The following KIAA1671 variants were observed in gnomAD, a reference collection of about 807,000 sequenced individuals.
KIAA1671 encodes uncharacterized protein KIAA1671.
In KIAA1671, 52 loss-of-function variants were observed where a neutral mutation model predicts 131.2. The observed-to-expected ratio is 0.40, with a 90% CI of 0.32 to 0.50. KIAA1671 has a LOEUF of 0.50. Ranked by LOEUF, KIAA1671 falls within the 20% of genes least tolerant of loss-of-function variation. KIAA1671 has a pLI of 0.73. For synonymous variants in KIAA1671, 1,003 were observed against 961.6 expected (o/e 1.04, Z -0.80); for missense variants, 2,360 against 2,364.2 (o/e 1.00, Z 0.04).
At position 25,041,266 on chromosome 22, in the gene KIAA1671, C is replaced by T. The variant is rs1336841339; in HGVS notation, c.4136C>T (p.Ser1379Phe). 2.6e-6 allele frequency: 4 copies of T among 1,551,618 alleles called. No homozygotes were observed. Among genetic ancestry groups the T allele is most frequent in the Non-Finnish European group, 3.5e-6 (4 of 1,147,016 alleles). Residue 1379 changes from serine (S) to phenylalanine (F), a missense_variant, in exon 5 of 13, where the codon TCC (serine) becomes TTC (phenylalanine). Transcript: ENST00000358431. ...CAGAAGAAAGGGACCCCAAGGAAATCCACCGGGCGGGGAGAGGAGGACAGT... is the reference window on the plus strand; with the variant it reads ...CAGAAGAAAGGGACCCCAAGGAAATTCACCGGGCGGGGAGAGGAGGACAGT... ...TDQKKGTPRK[S>F]TGRGEEDSVA...
intron 6 of KIAA1671, among the ~76,000 whole-genome samples, chr22:25,127,020 G>A (rs1466119350): frequency 2.0e-5 from 3 of 152,160 alleles, no homozygotes; most frequent in Non-Finnish European, 4.4e-5. Flanking sequence ...TTTAGAGGTT[G>A]TGGTGTGACC....
In KIAA1671 at chr22:25,110,144, G is replaced by A. The variant is rs537806235; in HGVS notation, c.4531-60676G>A. 3.9e-5 allele frequency: 6 copies of A among 152,402 alleles called. No homozygotes were observed. In the East Asian group the frequency reaches 1.2e-3, roughly 29 times the overall value. 9.4% of individuals were successfully genotyped at this position (152,402 alleles called of 1,614,324 possible). ...CTGTATCCAAAAAAAGAAGAAGAGA[G>A]ACAGGGAGAGAAAGAGAATGAATAG... On this transcript the variant is annotated intron_variant, in intron 6 of 12. Coordinates refer to ENST00000358431, the MANE Select transcript of KIAA1671 (RefSeq NM_001145206.2).
intron 11 of KIAA1671, among the ~76,000 whole-genome samples, chr22:25,186,959 G>A (rs2146045744): frequency 6.6e-6 from 1 of 152,338 alleles, no homozygotes; most frequent in Admixed American, 6.5e-5. Context: ...TGGAGGCCTG[G>A]GCTTGTGTCA....
intron 6 of KIAA1671, among the ~76,000 whole-genome samples, chr22:25,081,602 G>C (rs1415488986): frequency 7.4e-6 from 1 of 135,284 alleles, no homozygotes; most frequent in East Asian, 2.1e-4. Context: ...TAACAACAGG[G>C]GTTAGATGGG....
chr22:25,171,909 A>T (rs183535803), intron 7 of KIAA1671, among the ~76,000 whole-genome samples: 1 of 152,292 alleles, frequency 6.6e-6, no homozygotes, highest in East Asian at 1.9e-4. Context: ...CAACACTGTG[A>T]CTGTCCTGCA....
rs891589450 is a variant in KIAA1671 at position 25,065,158 on chromosome 22, G to A, written c.4530+15794G>A. 3.3e-5 allele frequency: 5 copies of A among 152,224 alleles called. No individual in the cohort carries two copies. The East Asian group carries it at 7.7e-4, about 23-fold the overall frequency. The allele number at this position is 152,224 out of a possible 1,614,324, so 9.4% of individuals were successfully genotyped here. A position where few individuals can be genotyped will look rare whatever the true frequency, so the allele number is the denominator to read the frequency against. On this transcript the variant is annotated intron_variant, in intron 6 of 12. Coordinates refer to ENST00000358431, the MANE Select transcript of KIAA1671 (RefSeq NM_001145206.2). Reference sequence around the variant, plus strand: ...AGGCAGCAAGCGGCGGCTGTATGGTGAAGGGTGTTGAAGGCTGAGCCAGGA... The same window carrying A: ...AGGCAGCAAGCGGCGGCTGTATGGTAAAGGGTGTTGAAGGCTGAGCCAGGA...
At chr22:25,090,969 C>G (rs1055713475) in intron 6 of KIAA1671, among the ~76,000 whole-genome samples, 2 of 152,236 alleles carry the variant, frequency 1.3e-5, no homozygotes, top group Admixed American at 1.3e-4. Flanking sequence ...TGCTGTATCC[C>G]TGGAGTCTAG....
chr22:25,173,535 T>A (rs1317216730), intron 7 of KIAA1671, among the ~76,000 whole-genome samples: 2 of 152,180 alleles, frequency 1.3e-5, no homozygotes, highest in Non-Finnish European at 2.9e-5. Context: ...AAATACAACA[T>A]GATGATTTGA....
intron 6 of KIAA1671, among the ~76,000 whole-genome samples, chr22:25,154,869 G>T (rs1933175904): frequency 6.6e-6 from 1 of 152,198 alleles, no homozygotes; most frequent in Non-Finnish European, 1.5e-5. Context: ...ATGAGAGGGG[G>T]CTGTCCAGGC....
chr22:25,069,892 C>T (rs1247481109), intron 6 of KIAA1671: 1 of 153,396 alleles, frequency 6.5e-6, no homozygotes, highest in Non-Finnish European at 1.5e-5. Flanking sequence ...CTCGTATGCA[C>T]ACATGCACAC....
At chr22:25,032,735 C>A in intron 4 of KIAA1671, 39 bp downstream of exon 4, 3 of 1,360,818 alleles carry the variant, frequency 2.2e-6, no homozygotes, top group Non-Finnish European at 3.1e-6. Context: ...CATTAACCAG[C>A]GGGCAGTTAT....
At chr22:25,088,476 G>A (rs144820764) in intron 6 of KIAA1671, among the ~76,000 whole-genome samples, 118 of 152,274 alleles carry the variant, frequency 7.7e-4, no homozygotes, top group African/African-American at 2.8e-3. Flanking sequence ...GAAGGGTACA[G>A]AGGTGCGGCC....
chr22:25,103,226 T>TC (rs1930794386), intron 6 of KIAA1671, among the ~76,000 whole-genome samples: 1 of 151,236 alleles, frequency 6.6e-6, no homozygotes, highest in Admixed American at 6.6e-5. Flanking sequence ...TTTTTTTTTT[T>TC]TGAGAACGGC....
rs544278755 is a variant in KIAA1671 at position 25,091,798 on chromosome 22, G to A, written c.4530+42434G>A. 8.5e-5 allele frequency among the ~76,000 whole-genome samples: 13 copies of A among 152,248 alleles called. No homozygotes were observed. In the East Asian group the frequency reaches 9.6e-4, roughly 11 times the overall value. On this transcript the variant is annotated intron_variant, in intron 6 of 12. Coordinates refer to ENST00000358431, the MANE Select transcript of KIAA1671 (RefSeq NM_001145206.2). ...AGGAGATGCCCGCTGCTGAGCCCCC[G>A]CTGACTGAAATGCTTCAACCAGCAA... is the stretch of plus-strand genomic sequence containing the variant.
intron 1 of KIAA1671, among the ~76,000 whole-genome samples, chr22:25,015,950 AATTTG>A (rs1320477040): frequency 2.0e-5 from 3 of 152,174 alleles, no homozygotes; most frequent in African/African-American, 4.8e-5. Flanking sequence ...GCGAAGTAAG[AATTTG>A]ATTTAACTCC....
intron 1 of KIAA1671, among the ~76,000 whole-genome samples, chr22:24,960,177 A>C (rs1921939788): frequency 6.6e-6 from 1 of 151,922 alleles, no homozygotes; most frequent in Non-Finnish European, 1.5e-5. Context: ...AAAATAAAAC[A>C]AATAATTTCA....
At chr22:25,081,337 G>A (rs895172520) in intron 6 of KIAA1671, among the ~76,000 whole-genome samples, 1 of 152,196 alleles carries the variant, frequency 6.6e-6, no homozygotes, top group African/African-American at 2.4e-5. Flanking sequence ...TCCAGCCCTC[G>A]CTGCTCTGTG....
At chr22:25,176,652 C>G (rs962642210) in intron 8 of KIAA1671, 11 of 152,272 alleles carry the variant, frequency 7.2e-5, no homozygotes, top group Admixed American at 6.5e-4. Flanking sequence ...CTGAGCACTT[C>G]ACTGCTGTCT....
chr22:25,071,337 A>G (rs1928806621), intron 6 of KIAA1671, among the ~76,000 whole-genome samples: 1 of 152,184 alleles, frequency 6.6e-6, no homozygotes. Flanking sequence ...CAGCGCTCCT[A>G]AAAATACAAC....
Sources: gnomAD v4.1 joint callset for allele counts (sites outside exome capture counted in the v4.1 genomes callset) on GRCh38, gnomAD v4.1.1 for gene constraint, MANE v1.5 for transcripts, NCBI Gene and HGNC (gene_info 2026-07-23, HGNC 2026-07-21) for gene names.